TTLL8: variants seen among roughly 807,000 people sequenced by gnomAD.
TTLL8 encodes protein monoglycylase TTLL8.
Under a neutral mutation model 77.8 loss-of-function variants are expected in TTLL8, and 65 were observed. That is an observed-to-expected ratio of 0.84 (90% CI 0.68 to 1.03). The LOEUF is 1.03. TTLL8 is among the 50% of genes least tolerant of loss of function. The probability of loss-of-function intolerance (pLI) is 0.00; values close to 1 mark genes in which losing one functional copy is unlikely to be tolerated. For synonymous variants in TTLL8, 402 were observed against 422.8 expected, an observed-to-expected ratio of 0.95 and a Z score of 0.60; for missense variants, 910 against 1,004.5, an observed-to-expected ratio of 0.91 and a Z score of 1.27.
In TTLL8 at chr22:50,044,894, C is replaced by T. The variant is rs562395652; in HGVS notation, c.643+361G>A. On this transcript the variant is annotated intron_variant, in intron 6 of 13. Coordinates refer to ENST00000266182, the Ensembl canonical transcript of TTLL8. This position sits in a 1 kb window ranked among gnomAD's most constrained non-coding sequence, Gnocchi z 4.2. ...CCTGGGCTTCCTGTGTCCTCTCCCACGGGGCCCCTTTGGGGAGACTCAGGC... is the reference window on the plus strand; with the variant it reads ...CCTGGGCTTCCTGTGTCCTCTCCCATGGGGCCCCTTTGGGGAGACTCAGGC... 5.4e-4 allele frequency among the ~76,000 whole-genome samples: 83 copies of T among 152,300 alleles called. No individual in the cohort carries two copies. The highest frequency in any genetic ancestry group is 2.0e-3 in the African/African-American group (82 of 41,582).
exon 4 of TTLL8, chr22:50,047,208 A>C: frequency 7.3e-7 from 1 of 1,367,594 alleles, no homozygotes; most frequent in Non-Finnish European, 9.8e-7. Flanking sequence ...GTGGTTCAGC[A>C]TCTGGTCGTA....
At position 50,041,897 on chromosome 22, in the gene TTLL8, A is replaced by G. The variant is rs1310742587; in HGVS notation, c.644-90T>C. The stretch of plus-strand genomic sequence containing the variant: ...GGGGTGATGTCTAAAGTCATGGACA[A>G]AGGCTGCTCCACTCCCTCTGTGCCC... On this transcript the variant is annotated intron_variant, in intron 6 of 13. Coordinates refer to ENST00000266182, the Ensembl canonical transcript of TTLL8. This position sits in a 1 kb window ranked among gnomAD's most constrained non-coding sequence, Gnocchi z 4.3. 1 of 1,156,078 alleles carries G rather than the reference A, an allele frequency of 8.6e-7. No homozygotes were observed. The highest frequency in any genetic ancestry group is 1.6e-5 in the African/African-American group (1 of 61,560). 71.6% of individuals were successfully genotyped at this position (1,156,078 alleles called of 1,614,324 possible).
chr22:50,054,220 A>G (rs760326372), intron 1 of TTLL8, among the ~76,000 whole-genome samples: 2 of 152,130 alleles, frequency 1.3e-5, no homozygotes, highest in African/African-American at 2.4e-5. Flanking sequence ...ACACACCATC[A>G]AGACAAAGAA....
intron 9 of TTLL8, among the ~76,000 whole-genome samples, chr22:50,033,649 TC>T (rs908064509): frequency 1.8e-4 from 28 of 151,932 alleles, no homozygotes; most frequent in African/African-American, 5.1e-4. Flanking sequence ...AGTGCCTGAG[TC>T]CCCCAGGCTC....
chr22:50,031,073 AC>A, intron 11 of TTLL8, 148 bp from the exon 13 acceptor site: 2 of 694,644 alleles, frequency 2.9e-6, no homozygotes, highest in Non-Finnish European at 4.0e-6. Context: ...TCCCACGCAG[AC>A]CCCCAGGAGG....
chr22:50,020,161 G>T (rs2061186095), intron 12 of TTLL8, among the ~76,000 whole-genome samples: 1 of 152,126 alleles, frequency 6.6e-6, no homozygotes, highest in African/African-American at 2.4e-5. Context: ...TTTGCACCAA[G>T]AAATATTTAC....
intron 12 of TTLL8, among the ~76,000 whole-genome samples, chr22:50,028,678 A>G (rs13054839): frequency 4.7e-5 from 1 of 21,126 alleles, no homozygotes; most frequent in African/African-American, 1.4e-4. Context: ...CCCCACACAC[A>G]CTCGTAAAGA....
chr22:50,039,680 G>A (rs773013668), intron 8 of TTLL8, among the ~76,000 whole-genome samples: 18 of 151,940 alleles, frequency 1.2e-4, no homozygotes, highest in African/African-American at 1.7e-4. Context: ...GTGTGCCAGC[G>A]TGGATGGACC....
At chr22:50,019,874 G>T (rs899318382) in intron 12 of TTLL8, among the ~76,000 whole-genome samples, 5 of 152,184 alleles carry the variant, frequency 3.3e-5, no homozygotes, top group Non-Finnish European at 5.9e-5. Context: ...ACATGCACTG[G>T]TTAAAAGACA....
rs1397455873 is a variant in TTLL8 at position 50,044,776 on chromosome 22, T to C, written c.643+479A>G. Reference sequence around the variant, plus strand: ...CTAAAACTGCTCTAGAAATTACATTTTATTAAAACCAACAACCACAAAAAA... The same window carrying C: ...CTAAAACTGCTCTAGAAATTACATTCTATTAAAACCAACAACCACAAAAAA... On this transcript the variant is annotated intron_variant, in intron 6 of 13. Coordinates refer to ENST00000266182, the Ensembl canonical transcript of TTLL8. The surrounding 1 kb of genome is among the most constrained non-coding windows in gnomAD (Gnocchi z 4.2). Among the ~76,000 whole-genome samples, 2 of 152,128 alleles carry C rather than the reference T, an allele frequency of 1.3e-5. No individual in the cohort carries two copies. Among genetic ancestry groups the C allele is most frequent in the Non-Finnish European group, 2.9e-5 (2 of 68,024 alleles).
chr22:50,048,212 G>A (rs929021608), intron 3 of TTLL8, among the ~76,000 whole-genome samples: 3 of 151,684 alleles, frequency 2.0e-5, no homozygotes, highest in South Asian at 4.2e-4. Flanking sequence ...CAACAGAGCC[G>A]AAGTCCCCCA....
At chr22:50,030,191 C>A in intron 12 of TTLL8, 1 of 985,390 alleles carries the variant, frequency 1.0e-6, no homozygotes, top group Non-Finnish European at 1.2e-6. Context: ...GGGGACCCCA[C>A]CATCCACCTG....
chr22:50,046,427 G>A lies in TTLL8; in HGVS notation c.394-457C>T, dbSNP rs148694657. Among the ~76,000 whole-genome samples, 512 of 152,350 alleles carry A rather than the reference G, an allele frequency of 3.4e-3. 8 individuals carry two copies. The highest frequency in any genetic ancestry group is 0.01 in the Middle Eastern group (3 of 294). ...GCACGCGCCATTAGAGAGGCATATC[G>A]TGAAGTCCCCGCACCCCGATGTCTG... On this transcript the variant is annotated intron_variant, in intron 4 of 13. Transcript: ENST00000266182.
In TTLL8 at chr22:50,022,023, C is replaced by T. The variant is rs544732434; in HGVS notation, c.2204-5461G>A. ...ACTCCTCCATCTGATGATGTGCGCTCCTTCATCTGACATGCACTCCTCCAT... is the reference window on the plus strand; with the variant it reads ...ACTCCTCCATCTGATGATGTGCGCTTCTTCATCTGACATGCACTCCTCCAT... On this transcript the variant is annotated intron_variant, in intron 12 of 13. Coordinates refer to ENST00000266182, the Ensembl canonical transcript of TTLL8. Among the ~76,000 whole-genome samples the T allele has an allele frequency of 5.8e-3, 866 of 148,602 alleles. 7 individuals are homozygous for T. The highest frequency in any genetic ancestry group is 0.015 in the Middle Eastern group (4 of 264).
At chr22:50,031,809 G>A (rs1040233483) in exon 11 of TTLL8, 26 of 1,366,910 alleles carry the variant, frequency 1.9e-5, no homozygotes, top group Admixed American at 3.8e-5. Context: ...GCATGGTGGG[G>A]CTGGAATTGA....
chr22:50,047,575 G>A (rs541728041), intron 3 of TTLL8, among the ~76,000 whole-genome samples: 12 of 152,282 alleles, frequency 7.9e-5, no homozygotes, highest in Non-Finnish European at 1.6e-4. Context: ...TGGGGTCTAC[G>A]TGGGTGTGGG....
intron 11 of TTLL8, 138 bp from the exon 13 acceptor site, chr22:50,031,063 T>TCTGCGTGGGAC: frequency 1.3e-6 from 1 of 757,384 alleles, no homozygotes; most frequent in Non-Finnish European, 1.8e-6. Flanking sequence ...ACACCTGGGG[T>TCTGCGTGGGAC]CCCACGCAGA....
At chr22:50,031,617 A>G in intron 11 of TTLL8, 69 bp downstream of exon 12, 3 of 1,208,914 alleles carry the variant, frequency 2.5e-6, no homozygotes, top group Non-Finnish European at 3.2e-6. Context: ...ACCCTCGCCC[A>G]GTGACCAGGT....
At chr22:50,058,257 G>A (rs2061498044), upstream of TTLL8, among the ~76,000 whole-genome samples, 1 of 150,504 alleles carries the variant, frequency 6.6e-6, no homozygotes, top group African/African-American at 2.4e-5. The surrounding 1 kb of genome is among the most constrained non-coding windows in gnomAD (Gnocchi z 4.2). Context: ...CGGTGCGGCG[G>A]CTGCTGGGCC....
Sources: allele counts gnomAD v4.1 joint callset (sites outside exome capture counted in the v4.1 genomes callset), GRCh38; gene constraint gnomAD v4.1.1; non-coding constraint Gnocchi (gnomAD v3.1); transcripts MANE v1.5; gene names NCBI Gene and HGNC (gene_info 2026-07-23, HGNC 2026-07-21).